NBPF9: variants seen among roughly 807,000 people sequenced by gnomAD.
NBPF9 encodes NBPF family member NBPF9.
Under a neutral mutation model 97.8 loss-of-function variants are expected in NBPF9, and 91 were observed. The observed-to-expected ratio is 0.93, with a 90% CI of 0.79 to 1.11. The LOEUF (loss-of-function observed/expected upper bound fraction) is 1.11, where lower values mean the gene tolerates loss of function less well. NBPF9 is among the 50% of genes least tolerant of loss of function. NBPF9 has a pLI of 0.00. For missense variants in NBPF9, 992 were observed against 939.5 expected, an observed-to-expected ratio of 1.06 and a Z score of -0.73; for synonymous variants, 334 against 359.5, an observed-to-expected ratio of 0.93 and a Z score of 0.80.
rs782647886 is a variant in NBPF9 at position 149,080,022 on chromosome 1, C to T, written c.278+31G>A. 40 of 1,576,516 alleles carry T rather than the reference C, an allele frequency of 2.5e-5. No homozygotes were observed. The Admixed American group carries it at 4.5e-4, about 18-fold the overall frequency. On this transcript the variant is annotated intron_variant, in intron 8 of 29. Coordinates refer to ENST00000584027, the Ensembl canonical transcript of NBPF9. ...GTACTTCAGAGATCTACACACCTACCCGCCTGCCTCCCCCCACGGGGTCCC... is the reference window on the plus strand; with the variant it reads ...GTACTTCAGAGATCTACACACCTACTCGCCTGCCTCCCCCCACGGGGTCCC...
chr1:149,059,352 T>C, intron 25 of NBPF9: 2 of 455,894 alleles, frequency 4.4e-6, no homozygotes, highest in Non-Finnish European at 4.1e-6. Context: ...GACACACTGA[T>C]GAAGGAGTAA....
At chr1:149,068,572 G>A (rs2079176554) in intron 17 of NBPF9, among the ~76,000 whole-genome samples, 1 of 151,694 alleles carries the variant, frequency 6.6e-6, no homozygotes, top group African/African-American at 2.4e-5. Flanking sequence ...AACAGGAAGA[G>A]TTAACTATCC....
Position 149,060,375 on chromosome 1 carries a change from C to G in NBPF9, c.2476+148G>C, listed in dbSNP as rs2152867783. The G allele has an allele frequency of 4.4e-6, 2 of 451,436 alleles. 1 individual carries two copies. The highest frequency in any genetic ancestry group is 5.1e-5 in the African/African-American group (2 of 38,890). 28.0% of individuals were successfully genotyped at this position (451,436 alleles called of 1,614,324 possible). A position where few individuals can be genotyped will look rare whatever the true frequency, so the allele number is the denominator to read the frequency against. ...CCCTCATCTGGGCTTCCAGGTAGAACTAGAGTTTCATTCAACCTACATGTG... is the reference window on the plus strand; with the variant it reads ...CCCTCATCTGGGCTTCCAGGTAGAAGTAGAGTTTCATTCAACCTACATGTG... On this transcript the variant is annotated intron_variant, in intron 24 of 29. Coordinates refer to ENST00000584027, the Ensembl canonical transcript of NBPF9.
At chr1:149,070,477 CTG>C (rs1171229624) in intron 16 of NBPF9, among the ~76,000 whole-genome samples, 1 of 151,844 alleles carries the variant, frequency 6.6e-6, no homozygotes, top group Non-Finnish European at 1.5e-5. Context: ...TTCAGGGTGA[CTG>C]TGCAGCTAAG....
intron 3 of NBPF9, among the ~76,000 whole-genome samples, chr1:149,099,276 T>C (rs2081991118): frequency 6.6e-6 from 1 of 152,250 alleles, no homozygotes; most frequent in Admixed American, 6.5e-5. Context: ...TAGGTTATGC[T>C]ACAGTAACAA....
chr1:149,095,239 G>A (rs1553661125), intron 4 of NBPF9, among the ~76,000 whole-genome samples: 1 of 151,138 alleles, frequency 6.6e-6, no homozygotes, highest in Non-Finnish European at 1.5e-5. Context: ...TTTCCAACTA[G>A]TGGTGCTAGA....
intron 5 of NBPF9, among the ~76,000 whole-genome samples, chr1:149,089,765 T>C (rs1322254889): frequency 6.6e-6 from 1 of 152,310 alleles, no homozygotes; most frequent in Non-Finnish European, 1.5e-5. Flanking sequence ...TATAAAGGGC[T>C]AGTTTATTTC....
chr1:149,089,244 A>C (rs1176573634), intron 5 of NBPF9, among the ~76,000 whole-genome samples: 1 of 152,118 alleles, frequency 6.6e-6, no homozygotes, highest in East Asian at 1.9e-4. Flanking sequence ...GCATTTCTTA[A>C]TGCCTTGGTG....
At chr1:149,072,987 C>G in intron 13 of NBPF9, 55 bp from the exon 14 acceptor site, 4 of 1,568,606 alleles carry the variant, frequency 2.6e-6, no homozygotes, top group Non-Finnish European at 2.6e-6. Flanking sequence ...GTGATCCGCT[C>G]AAATATTGCA....
chr1:149,072,750 A>T (rs782323666), exon 14 of NBPF9: 2 of 1,610,174 alleles, frequency 1.2e-6, no homozygotes, highest in Non-Finnish European at 8.5e-7. Flanking sequence ...GTGCTGTGCC[A>T]GTCTACACCC....
At chr1:149,057,734 C>CAA (rs2078307912) in intron 27 of NBPF9, among the ~76,000 whole-genome samples, 39 of 97,690 alleles carry the variant, frequency 4.0e-4, no homozygotes, top group South Asian at 2.3e-3. Flanking sequence ...CACACACACA[C>CAA]ACACACACAC....
At chr1:149,093,028 A>C (rs1190535703) in intron 4 of NBPF9, among the ~76,000 whole-genome samples, 1 of 151,844 alleles carries the variant, frequency 6.6e-6, no homozygotes, top group Admixed American at 6.6e-5. Flanking sequence ...CCATGCCGGC[A>C]CTGGCCTCTG....
intron 5 of NBPF9, among the ~76,000 whole-genome samples, chr1:149,083,280 G>C (rs1481360718): frequency 8.1e-6 from 1 of 122,992 alleles, no homozygotes; most frequent in Non-Finnish European, 1.6e-5. Flanking sequence ...CTGTGCATAA[G>C]TAACTATGAA....
intron 4 of NBPF9, among the ~76,000 whole-genome samples, chr1:149,097,078 GAGGA>G (rs1177238888): frequency 0.038 from 5,616 of 146,390 alleles, 375 homozygotes; most frequent in African/African-American, 0.13. Flanking sequence ...AGGAGGAAGG[GAGGA>G]AGGAAGGAAG....
rs1474424317 is a variant in NBPF9 at position 149,072,910 on chromosome 1, C to A, written c.1114G>T (p.Ala372Ser). ...AACTGGGTCAGCTCTCGTTCCTGAG[C>A]GTGAACCAGGACTTTATATTGCCTA... is the stretch of plus-strand genomic sequence containing the variant. The change falls in exon 14 of 30, where the codon GCT (alanine) becomes TCT (serine). Residue 372 changes from alanine to serine, a missense_variant. Around this residue, in one of 11 missense-constraint regions of NBPF9, gnomAD observed 187 missense variants for 149.6 expected, o/e 1.25. Coordinates refer to ENST00000584027, the Ensembl canonical transcript of NBPF9. 1,259 of 1,606,888 alleles carry A rather than the reference C, an allele frequency of 7.8e-4. 23 individuals carry two copies. The African/African-American group carries it at 0.01, about 13-fold the overall frequency.
At chr1:149,065,634 A>G in exon 18 of NBPF9, 10 of 1,602,876 alleles carry the variant, frequency 6.2e-6, no homozygotes, top group Non-Finnish European at 8.5e-6. Context: ...GGAGTCGAAT[A>G]ACCTTCATCC....
intron 3 of NBPF9, among the ~76,000 whole-genome samples, chr1:149,099,100 G>A (rs1252073421): frequency 1.3e-5 from 2 of 151,770 alleles, no homozygotes; most frequent in African/African-American, 2.4e-5. Context: ...AGTAGCCAGG[G>A]AAGTTTTCAC....
intron 4 of NBPF9, among the ~76,000 whole-genome samples, chr1:149,095,646 A>G (rs1553661269): frequency 6.6e-6 from 1 of 150,516 alleles, no homozygotes; most frequent in Non-Finnish European, 1.5e-5. Flanking sequence ...AAAAAAGGTG[A>G]AAGATCTGAA....
chr1:149,102,967 G>T (rs2082244071), intron 1 of NBPF9, 120 bp from the exon 2 acceptor site: 1 of 151,632 alleles, frequency 6.6e-6, no homozygotes, highest in East Asian at 2.0e-4. Context: ...TGGCCTCGAG[G>T]GTGGGGTGCG....
Sources: gnomAD v4.1 joint callset for allele counts (sites outside exome capture counted in the v4.1 genomes callset) on GRCh38, gnomAD v4.1.1 for gene constraint, gnomAD v4.1.1 regional missense constraint, MANE v1.5 for transcripts, NCBI Gene and HGNC (gene_info 2026-07-23, HGNC 2026-07-21) for gene names.